Variants in SLC4A5 observed in about 807,000 individuals in gnomAD.
The protein encoded by SLC4A5 is electrogenic sodium bicarbonate cotransporter 4.
SLC4A5 carries 96 observed loss-of-function variants against 120.4 expected under a neutral mutation model. The observed-to-expected ratio is 0.80, with a 90% CI of 0.68 to 0.94. The LOEUF is 0.94. Ranked by LOEUF, SLC4A5 falls within the 40% of genes least tolerant of loss-of-function variation. The probability of loss-of-function intolerance (pLI) is 0.00; values close to 1 mark genes in which losing one functional copy is unlikely to be tolerated. For synonymous variants in SLC4A5, 550 were observed against 571.1 expected (o/e 0.96, Z 0.53); for missense variants, 1,259 against 1,459.5 (o/e 0.86, Z 2.24).
intron 21 of SLC4A5, among the ~76,000 whole-genome samples, chr2:74,236,962 GAAGGC>G (rs1203295254): frequency 1.3e-5 from 2 of 148,824 alleles, no homozygotes; most frequent in Non-Finnish European, 3.0e-5. Context: ...GGAAATTCCA[GAAGGC>G]AACTGAGCAA....
At chr2:74,248,612 C>G in intron 17 of SLC4A5, 126 bp from the exon 18 acceptor site, 1 of 1,138,140 alleles carries the variant, frequency 8.8e-7, no homozygotes, top group South Asian at 1.6e-5. Flanking sequence ...TGGGCCCTTT[C>G]CTCCCTAAAT....
At chr2:74,304,344 A>G in intron 7 of SLC4A5, 145 bp downstream of exon 7, 1 of 767,508 alleles carries the variant, frequency 1.3e-6, no homozygotes, top group Non-Finnish European at 2.0e-6. Flanking sequence ...CAACAATGGA[A>G]GCAGAGCAGA....
chr2:74,328,449 AG>A (rs1673269749), intron 4 of SLC4A5, among the ~76,000 whole-genome samples: 1 of 152,250 alleles, frequency 6.6e-6, no homozygotes, highest in Non-Finnish European at 1.5e-5. Context: ...TTTTTATGGC[AG>A]TGGTATATTC....
chr2:74,261,456 C>T (rs1447293655), intron 11 of SLC4A5, among the ~76,000 whole-genome samples: 1 of 152,238 alleles, frequency 6.6e-6, no homozygotes, highest in Admixed American at 6.5e-5. Flanking sequence ...GACAGGGGTA[C>T]AGCACTGGGC....
intron 14 of SLC4A5, 139 bp downstream of exon 14, chr2:74,254,480 T>A (rs1670895421): frequency 1.4e-6 from 1 of 695,624 alleles, no homozygotes; most frequent in South Asian, 1.7e-5. Flanking sequence ...CTGATTCTCA[T>A]AATCTTTAGC....
chr2:74,254,644 G>T, exon 14 of SLC4A5: 1 of 1,614,046 alleles, frequency 6.2e-7, no homozygotes, highest in Non-Finnish European at 8.5e-7. Context: ...GGTTGCAATG[G>T]CACGGCCAAT....
chr2:74,246,340 C>T (rs1232857538), intron 19 of SLC4A5, among the ~76,000 whole-genome samples: 1 of 152,186 alleles, frequency 6.6e-6, no homozygotes, highest in Non-Finnish European at 1.5e-5. Context: ...TTAACGCCCA[C>T]CATTGTAGGT....
chr2:74,327,062 A>T (rs1461457626), intron 5 of SLC4A5, among the ~76,000 whole-genome samples: 1 of 152,226 alleles, frequency 6.6e-6, no homozygotes, highest in Non-Finnish European at 1.5e-5. Context: ...TTGAGTATCC[A>T]CTTTGTTCCA....
chr2:74,239,681 G>T, intron 20 of SLC4A5, 146 bp from the exon 21 acceptor site: 1 of 718,988 alleles, frequency 1.4e-6, no homozygotes, highest in Non-Finnish European at 2.3e-6. Flanking sequence ...CTGGGGACGG[G>T]CTGGTTCAAG....
chr2:74,293,510 C>CAGACAGAG (rs1672237329), intron 7 of SLC4A5, among the ~76,000 whole-genome samples: 1 of 152,112 alleles, frequency 6.6e-6, no homozygotes, highest in Non-Finnish European at 1.5e-5. Context: ...CTGGGCCTTT[C>CAGACAGAG]CTGATGGTTT....
At position 74,229,104 on chromosome 2, in the gene SLC4A5, C is replaced by CTTTTTTTTTTTTTTT. The variant is rs55689286; in HGVS notation, c.2848-1227_2848-1226insAAAAAAAAAAAAAAA. Among the ~76,000 whole-genome samples the CTTTTTTTTTTTTTTT allele has an allele frequency of 7.1e-4, 70 of 98,584 alleles. 1 individual carries two copies. Among genetic ancestry groups the CTTTTTTTTTTTTTTT allele is most frequent in the Non-Finnish European group, 8.8e-4 (50 of 56,666 alleles). 64.7% of individuals were successfully genotyped at this position (98,584 alleles called of 152,430 possible). A position where few individuals can be genotyped will look rare whatever the true frequency, so the allele number is the denominator to read the frequency against. ...AAAGAAGTCTGTTCTTAGATTTGAG[C>CTTTTTTTTTTTTTTT]TTTTTTTTTTTTCTTGAGACAGAGT... On this transcript the variant is annotated intron_variant, in intron 25 of 30. Transcript: ENST00000394019.
At chr2:74,311,298 T>A (rs924781411) in intron 6 of SLC4A5, among the ~76,000 whole-genome samples, 5 of 152,168 alleles carry the variant, frequency 3.3e-5, no homozygotes, top group Non-Finnish European at 5.9e-5. Flanking sequence ...CTAATTTCAC[T>A]GATTTCTGCT....
At chr2:74,236,315 T>C (rs1270390895) in intron 21 of SLC4A5, among the ~76,000 whole-genome samples, 1 of 152,230 alleles carries the variant, frequency 6.6e-6, no homozygotes, top group Non-Finnish European at 1.5e-5. Flanking sequence ...TAATCTTTGA[T>C]AGTTAATTTT....
chr2:74,227,098 T>C, exon 27 of SLC4A5: 1 of 1,613,808 alleles, frequency 6.2e-7, no homozygotes, highest in Non-Finnish European at 8.5e-7. Context: ...GGTGCTTGGC[T>C]GGCATCAGGA....
At chr2:74,251,609 C>T (rs1670792051) in intron 16 of SLC4A5, among the ~76,000 whole-genome samples, 1 of 152,180 alleles carries the variant, frequency 6.6e-6, no homozygotes, top group Non-Finnish European at 1.5e-5. Context: ...TAGATTAAGT[C>T]ATTATGGTGG....
intron 6 of SLC4A5, among the ~76,000 whole-genome samples, chr2:74,310,403 T>G (rs1334879532): frequency 6.6e-6 from 1 of 152,218 alleles, no homozygotes; most frequent in African/African-American, 2.4e-5. Flanking sequence ...GTTTTCAGTT[T>G]CTCATCATTA....
chr2:74,241,013 G>A (rs993149434), intron 20 of SLC4A5, among the ~76,000 whole-genome samples: 1 of 152,020 alleles, frequency 6.6e-6, no homozygotes, highest in African/African-American at 2.4e-5. Context: ...ACTGGGAAAG[G>A]CAGACCATAC....
chr2:74,331,458 G>A (rs1311070290), intron 4 of SLC4A5, among the ~76,000 whole-genome samples: 1 of 151,740 alleles, frequency 6.6e-6, no homozygotes, highest in East Asian at 1.9e-4. Flanking sequence ...GATGAAGGAA[G>A]GAGTTAGAAG....
chr2:74,220,600 T>C (rs998781975), intron 30 of SLC4A5, among the ~76,000 whole-genome samples: 62 of 151,860 alleles, frequency 4.1e-4, no homozygotes, highest in Non-Finnish European at 6.9e-4. Context: ...CACTGCAAGC[T>C]CCGCCTCCCA....
Sources: allele counts gnomAD v4.1 joint callset (sites outside exome capture counted in the v4.1 genomes callset), GRCh38; gene constraint gnomAD v4.1.1; transcripts MANE v1.5; gene names NCBI Gene and HGNC (gene_info 2026-07-23, HGNC 2026-07-21).